The following PLCB1 variants were observed in gnomAD, a reference collection of about 807,000 sequenced individuals.
The protein encoded by PLCB1 is 1-phosphatidylinositol 4,5-bisphosphate phosphodiesterase beta-1.
PLCB1 carries 46 observed loss-of-function variants against 161.8 expected under a neutral mutation model. That is an observed-to-expected ratio of 0.28 (90% CI 0.22 to 0.36). PLCB1 has a LOEUF of 0.36. PLCB1 is among the 10% of genes least tolerant of loss of function. The probability of loss-of-function intolerance (pLI) is 1.00; values close to 1 mark genes in which losing one functional copy is unlikely to be tolerated. For missense variants in PLCB1, 1,016 were observed against 1,472.5 expected (o/e 0.69, Z 5.07); for synonymous variants, 517 against 503.7 (o/e 1.03, Z -0.35).
chr20:8,134,809 C>A (rs529502126), intron 1 of PLCB1, among the ~76,000 whole-genome samples: 1 of 151,668 alleles, frequency 6.6e-6, no homozygotes, highest in South Asian at 2.1e-4. Flanking sequence ...CAAGGAAGCC[C>A]TCCTGAAAGA....
chr20:8,416,760 G>A (rs1271958238), intron 3 of PLCB1, among the ~76,000 whole-genome samples: 1 of 151,988 alleles, frequency 6.6e-6, no homozygotes, highest in Non-Finnish European at 1.5e-5. Flanking sequence ...ACTCTTTCAG[G>A]AAAATGAAGC....
At chr20:8,229,143 C>A (rs1600247719) in intron 2 of PLCB1, among the ~76,000 whole-genome samples, 1 of 152,224 alleles carries the variant, frequency 6.6e-6, no homozygotes, top group South Asian at 2.1e-4. Flanking sequence ...CAGTATTTAT[C>A]TTTCTATTCC....
chr20:8,461,774 TTTATA>T (rs1981587073), intron 3 of PLCB1, among the ~76,000 whole-genome samples: 1 of 152,170 alleles, frequency 6.6e-6, no homozygotes, highest in Non-Finnish European at 1.5e-5. Flanking sequence ...TTCTTTGCAT[TTTATA>T]TTATTTTATG....
intron 3 of PLCB1, among the ~76,000 whole-genome samples, chr20:8,457,855 C>T (rs1429564148): frequency 6.6e-6 from 1 of 152,166 alleles, no homozygotes; most frequent in Non-Finnish European, 1.5e-5. Context: ...ATTTCCCTCT[C>T]TGTGCTCTTA....
chr20:8,233,399 A>G (rs1186400099), intron 2 of PLCB1, among the ~76,000 whole-genome samples: 1 of 152,166 alleles, frequency 6.6e-6, no homozygotes, highest in Non-Finnish European at 1.5e-5. Flanking sequence ...TGTGCCAGGC[A>G]AGGTGCTTGT....
chr20:8,716,165 G>T (rs1395840500), intron 12 of PLCB1, 99 bp from the exon 13 acceptor site: 9 of 829,114 alleles, frequency 1.1e-5, no homozygotes, highest in African/African-American at 1.7e-5. Context: ...TGGGATTAGA[G>T]AATTACTTCT....
chr20:8,359,603 G>A (rs1986473918), intron 2 of PLCB1, among the ~76,000 whole-genome samples: 1 of 152,052 alleles, frequency 6.6e-6, no homozygotes. Flanking sequence ...ATGAGAAAAA[G>A]CTTTTGGGAA....
At chr20:8,773,755 C>T (rs1046358098) in intron 26 of PLCB1, among the ~76,000 whole-genome samples, 1 of 152,136 alleles carries the variant, frequency 6.6e-6, no homozygotes, top group Admixed American at 6.5e-5. Flanking sequence ...GGGCAGATCA[C>T]TTGAGGTCAA....
chr20:8,617,933 G>A (rs550098204), intron 3 of PLCB1, among the ~76,000 whole-genome samples: 34 of 152,150 alleles, frequency 2.2e-4, no homozygotes, highest in Non-Finnish European at 7.4e-5. Flanking sequence ...GAAAATATTT[G>A]AATAAATTAA....
chr20:8,874,864 A>G (rs1418606800), intron 31 of PLCB1, among the ~76,000 whole-genome samples: 3 of 152,010 alleles, frequency 2.0e-5, no homozygotes, highest in African/African-American at 7.2e-5. Flanking sequence ...CCAAATTCCC[A>G]AAAATGGAGT....
intron 2 of PLCB1, among the ~76,000 whole-genome samples, chr20:8,153,567 C>T (rs2051530261): frequency 6.6e-6 from 1 of 152,100 alleles, no homozygotes. Flanking sequence ...AGAATCTGCT[C>T]CACCGGTTTT....
chr20:8,172,535 A>T (rs2051743495), intron 2 of PLCB1, among the ~76,000 whole-genome samples: 1 of 152,184 alleles, frequency 6.6e-6, no homozygotes, highest in Non-Finnish European at 1.5e-5. Flanking sequence ...ACAAGGGCGA[A>T]TTATATTAGG....
In PLCB1 at chr20:8,185,609, A is replaced by G. The variant is rs529538021; in HGVS notation, c.177+35238A>G. Among the ~76,000 whole-genome samples the G allele has an allele frequency of 3.6e-4, 54 of 151,676 alleles. 1 individual carries two copies. The highest frequency in any genetic ancestry group is 1.3e-3 in the African/African-American group (53 of 41,428). On this transcript the variant is annotated intron_variant, in intron 2 of 31. Transcript: ENST00000338037. ...CTTATTTTATATATATAAACACTTT[A>G]TATATAAACACTTTAAGGAAAATGT...
chr20:8,481,716 C>T (rs550214647), intron 3 of PLCB1, among the ~76,000 whole-genome samples: 1 of 152,226 alleles, frequency 6.6e-6, no homozygotes, highest in African/African-American at 2.4e-5. Flanking sequence ...CCTTCTCTGT[C>T]CTTCTCTGTC....
intron 31 of PLCB1, 120 bp from the exon 32 acceptor site, chr20:8,881,502 G>A: frequency 1.4e-6 from 1 of 736,644 alleles, no homozygotes; most frequent in Non-Finnish European, 2.4e-6. Flanking sequence ...ACCAGTGAAT[G>A]ATATTTTAAG....
intron 1 of PLCB1, among the ~76,000 whole-genome samples, chr20:8,133,226 C>A (rs973462208): frequency 6.6e-6 from 1 of 152,148 alleles, no homozygotes; most frequent in Non-Finnish European, 1.5e-5. Flanking sequence ...ACCCTCTTGG[C>A]GCTTTTGTGG....
chr20:8,383,500 T>C (rs76369798), intron 3 of PLCB1, among the ~76,000 whole-genome samples: 13,442 of 152,248 alleles, frequency 0.088, 803 homozygotes, highest in African/African-American at 0.16. Context: ...TGCCAGTCTG[T>C]GTCTTTTAAT....
intron 2 of PLCB1, among the ~76,000 whole-genome samples, chr20:8,317,473 C>T (rs1275864629): frequency 6.6e-6 from 1 of 152,130 alleles, no homozygotes; most frequent in Non-Finnish European, 1.5e-5. Flanking sequence ...GTGTTTGGCA[C>T]AAGCTAGTAC....
chr20:8,472,103 C>T (rs927786399), intron 3 of PLCB1, among the ~76,000 whole-genome samples: 3 of 152,110 alleles, frequency 2.0e-5, no homozygotes, highest in Non-Finnish European at 4.4e-5. Context: ...GATTTCTCCC[C>T]TAAGGTACTA....
Sources: allele counts gnomAD v4.1 joint callset (sites outside exome capture counted in the v4.1 genomes callset), GRCh38; gene constraint gnomAD v4.1.1; transcripts MANE v1.5; gene names NCBI Gene and HGNC (gene_info 2026-07-23, HGNC 2026-07-21).